INSYN2A: variants seen among roughly 807,000 people sequenced by gnomAD.
INSYN2A encodes the protein family with sequence similarity 196 member A.
A neutral mutation model predicts 39.4 loss-of-function variants in INSYN2A; 17 were observed. That is an observed-to-expected ratio of 0.43 (90% CI 0.30 to 0.65). The LOEUF is 0.65. INSYN2A is among the 30% of genes least tolerant of loss of function. The pLI is 0.14. For missense variants in INSYN2A, 595 were observed against 631.2 expected, an observed-to-expected ratio of 0.94 and a Z score of 0.61; for synonymous variants, 255 against 265.7, an observed-to-expected ratio of 0.96 and a Z score of 0.39.
chr10:127,146,204 G>A (rs571060452), intron 5 of INSYN2A: 8 of 298,346 alleles, frequency 2.7e-5, no homozygotes, highest in African/African-American at 1.8e-4. Context: ...TGACCTTGGG[G>A]TATAACCAAA....
At chr10:127,177,499 C>T (rs545190210) in intron 2 of INSYN2A, among the ~76,000 whole-genome samples, 181 of 152,196 alleles carry the variant, frequency 1.2e-3, no homozygotes, top group Non-Finnish European at 2.4e-3. Flanking sequence ...TCGCCTTTTC[C>T]CCCCTTGTGT....
intron 5 of INSYN2A, among the ~76,000 whole-genome samples, chr10:127,148,717 A>T (rs2052168236): frequency 6.6e-6 from 1 of 152,254 alleles, no homozygotes; most frequent in South Asian, 2.1e-4. Flanking sequence ...AGCAAAGATT[A>T]TATTAGTAAT....
At chr10:127,158,442 C>T (rs1403160722) in intron 4 of INSYN2A, among the ~76,000 whole-genome samples, 1 of 152,192 alleles carries the variant, frequency 6.6e-6, no homozygotes, top group Non-Finnish European at 1.5e-5. Flanking sequence ...TTCTGTCTTG[C>T]AGATTAATTG....
intron 5 of INSYN2A, among the ~76,000 whole-genome samples, chr10:127,145,578 C>T (rs1285589942): frequency 4.6e-5 from 7 of 152,208 alleles, no homozygotes; most frequent in Admixed American, 3.9e-4. Flanking sequence ...TCGTGGCCAA[C>T]CCAACCCTGA....
intron 2 of INSYN2A, among the ~76,000 whole-genome samples, chr10:127,190,721 T>TC (rs2056689298): frequency 8.5e-6 from 1 of 117,568 alleles, no homozygotes; most frequent in Non-Finnish European, 1.6e-5. Flanking sequence ...GCCATTAAAA[T>TC]CCCCCACCGC....
chr10:127,190,682 C>CCCCCCCCCG (rs1554912109), intron 2 of INSYN2A, among the ~76,000 whole-genome samples: 2 of 43,740 alleles, frequency 4.6e-5, no homozygotes, highest in Admixed American at 2.8e-4. Flanking sequence ...CCCCCCCCCC[C>CCCCCCCCCG]CGTTCCTGCT....
chr10:127,141,939 C>G (rs1357242897), intron 5 of INSYN2A, among the ~76,000 whole-genome samples: 1 of 152,192 alleles, frequency 6.6e-6, no homozygotes, highest in African/African-American at 2.4e-5. Flanking sequence ...CTTTTTGGAG[C>G]CTGGCTCCCA....
rs1254198646 is a variant in INSYN2A, at chr10:127,138,044, C to G, written c.1257-24G>C. On this transcript the variant is annotated intron_variant, in intron 5 of 5. Transcript: ENST00000522781. The stretch of plus-strand genomic sequence containing the variant: ...CACTAGAAAAGAGAGAGAGTGAAGA[C>G]TTTAGCATTTGATCTTTTCCATATG... 5 of 1,576,082 alleles carry G rather than the reference C, an allele frequency of 3.2e-6. No homozygotes were observed. The Admixed American group carries it at 5.8e-5, about 18-fold the overall frequency.
At position 127,176,045 on chromosome 10, in the gene INSYN2A, C is replaced by G; in HGVS notation, c.351G>C (p.Thr117=). ...TSPDLKKCYQ[T]FPLDRKKGNL... Reference sequence around the variant, plus strand: ...TCCCCTTTTTGCGGTCCAGAGGGAACGTCTGGTAACACTTCTTAAGGTCGG... The same window carrying G: ...TCCCCTTTTTGCGGTCCAGAGGGAAGGTCTGGTAACACTTCTTAAGGTCGG... The change falls in exon 4 of 6, where the codon ACG becomes ACC. Residue 117 remains threonine (T), a synonymous_variant. Transcript: ENST00000522781. The surrounding 1 kb of genome is among the most constrained non-coding windows in gnomAD (Gnocchi z 4.4). 1 of 1,614,100 alleles carries G rather than the reference C, an allele frequency of 6.2e-7. No homozygotes were observed. Among genetic ancestry groups the G allele is most frequent in the Non-Finnish European group, 8.5e-7 (1 of 1,180,038 alleles).
chr10:127,153,736 T>C, intron 5 of INSYN2A, 116 bp downstream of exon 5: 3 of 774,988 alleles, frequency 3.9e-6, no homozygotes, highest in Non-Finnish European at 6.5e-6. Flanking sequence ...GTAAGGTCCT[T>C]CACTTTTTGT....
At chr10:127,165,345 A>C (rs1256734924) in intron 4 of INSYN2A, among the ~76,000 whole-genome samples, 2 of 152,192 alleles carry the variant, frequency 1.3e-5, no homozygotes, top group African/African-American at 4.8e-5. Context: ...CAAATGTCTC[A>C]GAGCTCTTGT....
Position 127,175,126 on chromosome 10 carries a change from C to T in INSYN2A, c.1184+86G>A. ...TTTACGGAAATGCTGGCTTTAGTCT[C>T]ATTACAGACTTGGGTTTGGGGCTAC... On this transcript the variant is annotated intron_variant, in intron 4 of 5. Coordinates refer to ENST00000522781, the MANE Select transcript of INSYN2A (RefSeq NM_001039762.3). The surrounding 1 kb of genome is among the most constrained non-coding windows in gnomAD (Gnocchi z 6.3). 8.5e-7 allele frequency: 1 copy of T among 1,175,204 alleles called. No homozygotes were observed. Among genetic ancestry groups the T allele is most frequent in the Non-Finnish European group, 1.2e-6 (1 of 813,936 alleles). 72.8% of individuals were successfully genotyped at this position (1,175,204 alleles called of 1,614,324 possible). A position where few individuals can be genotyped will look rare whatever the true frequency, so the allele number is the denominator to read the frequency against.
chr10:127,188,074 G>A (rs1385262851), intron 2 of INSYN2A, among the ~76,000 whole-genome samples: 1 of 152,148 alleles, frequency 6.6e-6, no homozygotes, highest in Non-Finnish European at 1.5e-5. Context: ...GAATGTCACG[G>A]GGGAGCAGGG....
intron 5 of INSYN2A, among the ~76,000 whole-genome samples, chr10:127,149,355 GT>G (rs747560495): frequency 1.3e-5 from 2 of 152,118 alleles, no homozygotes; most frequent in Non-Finnish European, 2.9e-5. Flanking sequence ...CGTACTGGTG[GT>G]TTTCCCCCCG....
At chr10:127,138,606 T>A (rs1325122841) in intron 5 of INSYN2A, among the ~76,000 whole-genome samples, 1 of 152,048 alleles carries the variant, frequency 6.6e-6, no homozygotes, top group Admixed American at 6.5e-5. Context: ...GTTCATGGAG[T>A]CAACACCATT....
chr10:127,159,200 T>C (rs777580218), intron 4 of INSYN2A, among the ~76,000 whole-genome samples: 6 of 152,220 alleles, frequency 3.9e-5, no homozygotes, highest in Non-Finnish European at 7.3e-5. Flanking sequence ...TTTTGAGTCA[T>C]TTACATTTCT....
At chr10:127,173,098 GAC>G (rs2054735642) in intron 4 of INSYN2A, among the ~76,000 whole-genome samples, 1 of 152,104 alleles carries the variant, frequency 6.6e-6, no homozygotes, top group African/African-American at 2.4e-5. Context: ...ACGCCCACAA[GAC>G]CACTAAGTCC....
At chr10:127,161,720 G>A (rs954690212) in intron 4 of INSYN2A, among the ~76,000 whole-genome samples, 2 of 152,018 alleles carry the variant, frequency 1.3e-5, no homozygotes, top group Non-Finnish European at 2.9e-5. Context: ...CACTCTCCTC[G>A]CCTCTGCTCC....
intron 4 of INSYN2A, among the ~76,000 whole-genome samples, chr10:127,157,242 G>C (rs923110468): frequency 6.6e-6 from 1 of 152,232 alleles, no homozygotes; most frequent in African/African-American, 2.4e-5. Context: ...TGTTGACCCA[G>C]GGTTGGATGT....
Sources: gnomAD v4.1 joint callset for allele counts (sites outside exome capture counted in the v4.1 genomes callset) on GRCh38, gnomAD v4.1.1 for gene constraint, Gnocchi (gnomAD v3.1) non-coding constraint, MANE v1.5 for transcripts, NCBI Gene and HGNC (gene_info 2026-07-23, HGNC 2026-07-21) for gene names.